DPF3: variants seen among roughly 807,000 people sequenced by gnomAD.
DPF3 encodes the protein zinc finger protein DPF3.
A neutral mutation model predicts 56.8 loss-of-function variants in DPF3; 18 were observed. The ratio of observed to expected loss-of-function variants is 0.32; its 90% CI spans 0.22 to 0.47. DPF3 has a LOEUF of 0.47. DPF3 is among the 20% of genes least tolerant of loss of function. The pLI is 1.00. For missense variants in DPF3, 403 were observed against 488.8 expected (o/e 0.82, Z 1.65); for synonymous variants, 188 against 180.2 (o/e 1.04, Z -0.35).
At chr14:72,809,305 T>C (rs552287755) in intron 1 of DPF3, among the ~76,000 whole-genome samples, 1 of 152,358 alleles carries the variant, frequency 6.6e-6, no homozygotes, top group South Asian at 2.1e-4. Context: ...CACATCATCG[T>C]CACACAGGGC....
chr14:72,769,809 A>C (rs1180724293), intron 2 of DPF3, among the ~76,000 whole-genome samples: 1 of 152,086 alleles, frequency 6.6e-6, no homozygotes, highest in Non-Finnish European at 1.5e-5. Flanking sequence ...TAAATCTGTG[A>C]GTTCCTGGTG....
At chr14:72,892,389 C>A (rs1444585009) in intron 1 of DPF3, 5 of 1,513,512 alleles carry the variant, frequency 3.3e-6, no homozygotes, top group Admixed American at 4.0e-5. Flanking sequence ...GCAGTGTATC[C>A]GAGCTTCCGA....
At chr14:72,665,479 T>C (rs1298137297) in intron 8 of DPF3, among the ~76,000 whole-genome samples, 2 of 152,186 alleles carry the variant, frequency 1.3e-5, no homozygotes, top group Non-Finnish European at 2.9e-5. Context: ...ATCACATACC[T>C]CCTGATGTAA....
intron 1 of DPF3, among the ~76,000 whole-genome samples, chr14:72,812,554 C>T (rs1043702439): frequency 6.6e-6 from 1 of 152,060 alleles, no homozygotes; most frequent in Non-Finnish European, 1.5e-5. Flanking sequence ...ATGACGTCAC[C>T]GAGAGCCACC....
At chr14:72,635,224 AG>A (rs2153567424) in intron 8 of DPF3, among the ~76,000 whole-genome samples, 1 of 152,314 alleles carries the variant, frequency 6.6e-6, no homozygotes, top group South Asian at 2.1e-4. Flanking sequence ...ATGGAGGGAA[AG>A]GGAAACCAAT....
chr14:72,672,110 C>T (rs544987980), intron 8 of DPF3, among the ~76,000 whole-genome samples: 57 of 152,026 alleles, frequency 3.7e-4, no homozygotes, highest in African/African-American at 1.4e-3. Context: ...GCCCAGGTAT[C>T]GGTTACTCCA....
intron 1 of DPF3, among the ~76,000 whole-genome samples, chr14:72,840,671 G>A (rs1467077239): frequency 6.6e-6 from 1 of 152,088 alleles, no homozygotes; most frequent in African/African-American, 2.4e-5. Flanking sequence ...TAATGGTTCT[G>A]TTATAATTCA....
chr14:72,734,278 C>G (rs1889796768), intron 3 of DPF3, among the ~76,000 whole-genome samples: 1 of 152,214 alleles, frequency 6.6e-6, no homozygotes, highest in African/African-American at 2.4e-5. Context: ...GTAACGGGGT[C>G]TACCTTAGAT....
intron 1 of DPF3, among the ~76,000 whole-genome samples, chr14:72,870,044 A>G (rs1403059445): frequency 6.6e-6 from 1 of 152,190 alleles, no homozygotes; most frequent in Non-Finnish European, 1.5e-5. Flanking sequence ...AGTCCCATCA[A>G]TTACAACACA....
At chr14:72,670,951 T>C in intron 8 of DPF3, 6 of 1,077,488 alleles carry the variant, frequency 5.6e-6, no homozygotes, top group Non-Finnish European at 7.3e-6. Flanking sequence ...GCTTCTGTTG[T>C]ACATACCCAA....
intron 1 of DPF3, among the ~76,000 whole-genome samples, chr14:72,865,437 T>C (rs995551725): frequency 6.6e-6 from 1 of 152,260 alleles, no homozygotes; most frequent in African/African-American, 2.4e-5. Flanking sequence ...GAAGTGGCTT[T>C]TGCCACAATG....
At chr14:72,662,583 A>T in intron 8 of DPF3, 1 of 985,406 alleles carries the variant, frequency 1.0e-6, no homozygotes, top group Non-Finnish European at 1.2e-6. Context: ...AAAAGAAAAA[A>T]AAAATCTTCT....
At chr14:72,840,466 A>C (rs1021008579) in intron 1 of DPF3, among the ~76,000 whole-genome samples, 1 of 152,072 alleles carries the variant, frequency 6.6e-6, no homozygotes, top group African/African-American at 2.4e-5. Flanking sequence ...CTGCCTTTCC[A>C]GGCGGCCCGT....
At chr14:72,846,239 T>C (rs983045396) in intron 1 of DPF3, among the ~76,000 whole-genome samples, 1 of 151,222 alleles carries the variant, frequency 6.6e-6, no homozygotes, top group Non-Finnish European at 1.5e-5. Flanking sequence ...GCCTCCCGAG[T>C]AGCTGGGATT....
At chr14:72,720,028 G>A (rs1404010811) in intron 5 of DPF3, among the ~76,000 whole-genome samples, 1 of 151,822 alleles carries the variant, frequency 6.6e-6, no homozygotes, top group African/African-American at 2.4e-5. Context: ...CATTAATCTA[G>A]TGTGGAGTCT....
intron 6 of DPF3, among the ~76,000 whole-genome samples, chr14:72,708,514 G>A (rs758472263): frequency 9.8e-5 from 15 of 152,306 alleles, no homozygotes; most frequent in East Asian, 3.9e-4. Context: ...CCTGAAGGCC[G>A]CGTTATTGGC....
intron 1 of DPF3, among the ~76,000 whole-genome samples, chr14:72,874,007 G>A (rs1304168186): frequency 1.3e-5 from 2 of 150,938 alleles, no homozygotes; most frequent in African/African-American, 2.4e-5. Flanking sequence ...CACCAACATG[G>A]CACATGTATA....
chr14:72,795,109 G>C (rs1172730824), intron 1 of DPF3, among the ~76,000 whole-genome samples: 1 of 151,834 alleles, frequency 6.6e-6, no homozygotes, highest in African/African-American at 2.4e-5. Flanking sequence ...AGGTTCCAAG[G>C]ATTAGGACAT....
intron 1 of DPF3, among the ~76,000 whole-genome samples, chr14:72,862,997 T>C (rs1172280798): frequency 2.0e-5 from 3 of 151,334 alleles, no homozygotes; most frequent in Non-Finnish European, 2.9e-5. Context: ...CCTGGAAATA[T>C]TTTTATATCC....
Sources: allele counts gnomAD v4.1 joint callset (sites outside exome capture counted in the v4.1 genomes callset), GRCh38; gene constraint gnomAD v4.1.1; transcripts MANE v1.5; gene names NCBI Gene and HGNC (gene_info 2026-07-23, HGNC 2026-07-21).